ZNF519: variants seen among roughly 807,000 people sequenced by gnomAD.
ZNF519 encodes similar to Zinc finger protein 85 (Zinc finger protein HPF4) (HTF1).
A neutral mutation model predicts 7.4 loss-of-function variants in ZNF519; 7 were observed. That is an observed-to-expected ratio of 0.94 (90% CI 0.54 to 1.77). ZNF519 has a LOEUF of 1.77. Ranked by LOEUF, ZNF519 falls within the 40% of genes most tolerant of loss-of-function variation. ZNF519 has a pLI of 0.00. For synonymous variants in ZNF519, 179 were observed against 203.3 expected (o/e 0.88, Z 1.02); for missense variants, 586 against 623.1 (o/e 0.94, Z 0.63).
At chr18:14,106,437 T>A in intron 2 of ZNF519, 28 bp from the exon 3 acceptor site, 1 of 1,525,622 alleles carries the variant, frequency 6.6e-7, no homozygotes, top group African/African-American at 1.4e-5. Context: ...AACTAATTAT[T>A]CTACATACTG....
At chr18:14,127,743 C>T (rs530270013) in intron 1 of ZNF519, among the ~76,000 whole-genome samples, 1 of 152,252 alleles carries the variant, frequency 6.6e-6, no homozygotes, top group South Asian at 2.1e-4. Flanking sequence ...GACTACTTGA[C>T]TGCTGTCCTG....
intron 2 of ZNF519, chr18:14,123,176 C>T: frequency 1.2e-5 from 3 of 244,422 alleles, no homozygotes; most frequent in East Asian, 1.1e-4. Context: ...TTGCTCCAGA[C>T]AGGTGACCAG....
At chr18:14,079,040 C>A (rs1241580407) in intron 3 of ZNF519, among the ~76,000 whole-genome samples, 1 of 152,094 alleles carries the variant, frequency 6.6e-6, no homozygotes, top group Non-Finnish European at 1.5e-5. Flanking sequence ...GTGACAGGCA[C>A]CCTGGAATAA....
rs9958799 is a variant in ZNF519 at position 14,132,403 on chromosome 18, G to C, written c.-126C>G. ...GGAGCAGAGGACACAAGGCAATGAA[G>C]CCCTAACCCCGCGCTCTGGCTGAAG... is the stretch of plus-strand genomic sequence containing the variant. On this transcript the variant is annotated 5_prime_UTR_variant, in exon 1 of 3. Coordinates refer to ENST00000590202, the MANE Select transcript of ZNF519 (RefSeq NM_145287.4). 0.23 allele frequency: 279,562 copies of C among 1,204,872 alleles called. 33,831 individuals carry two copies. The highest frequency in any genetic ancestry group is 0.28 in the South Asian group (20,799 of 75,308). The allele number at this position is 1,204,872 out of a possible 1,614,324, so 74.6% of individuals were successfully genotyped here.
intron 2 of ZNF519, among the ~76,000 whole-genome samples, chr18:14,109,512 A>C (rs1228567868): frequency 6.6e-6 from 1 of 152,184 alleles, no homozygotes; most frequent in Non-Finnish European, 1.5e-5. Context: ...AATATCAAGC[A>C]TCTTTTCTGA....
intron 1 of ZNF519, among the ~76,000 whole-genome samples, chr18:14,131,233 G>A (rs990234225): frequency 6.6e-6 from 1 of 152,152 alleles, no homozygotes; most frequent in Non-Finnish European, 1.5e-5. Context: ...AGTGCCAGGG[G>A]ATTATTTTCT....
chr18:14,130,472 A>G (rs540679782), intron 1 of ZNF519, among the ~76,000 whole-genome samples: 23 of 152,216 alleles, frequency 1.5e-4, no homozygotes, highest in African/African-American at 5.3e-4. Flanking sequence ...CGAAGTTGAA[A>G]TAAGTGAGCA....
rs546801782 is a variant in ZNF519, at chr18:14,079,076, T to C, written c.*178-778A>G. ...AAAAAGGGGTTGCCTCCGACACAGT[T>C]GCCAATTCTTGAATTTCACAATTTT... On this transcript the variant is annotated intron_variant and NMD_transcript_variant, in intron 3 of 4. Transcript: ENST00000587419. Among the ~76,000 whole-genome samples, 148 of 152,332 alleles carry C rather than the reference T, an allele frequency of 9.7e-4. 2 individuals are homozygous for C. The highest frequency in any genetic ancestry group is 3.5e-3 in the African/African-American group (147 of 41,548).
At chr18:14,112,557 T>G (rs2046226658) in intron 2 of ZNF519, among the ~76,000 whole-genome samples, 1 of 152,128 alleles carries the variant, frequency 6.6e-6, no homozygotes, top group Non-Finnish European at 1.5e-5. Context: ...AAAATCCTAA[T>G]TCACTAAAAC....
chr18:14,098,504 T>C (rs1276057647), downstream of ZNF519, among the ~76,000 whole-genome samples: 1 of 152,018 alleles, frequency 6.6e-6, no homozygotes, highest in Non-Finnish European at 1.5e-5. Flanking sequence ...TTAACTGCAC[T>C]GATGGCTGCC....
intron 2 of ZNF519, among the ~76,000 whole-genome samples, chr18:14,092,457 T>C (rs1390968850): frequency 6.6e-6 from 1 of 152,160 alleles, no homozygotes; most frequent in Admixed American, 6.5e-5. Flanking sequence ...GCTGTAGTTA[T>C]AAATGTGACA....
intron 1 of ZNF519, among the ~76,000 whole-genome samples, chr18:14,126,215 T>C (rs986282600): frequency 1.3e-5 from 2 of 152,158 alleles, no homozygotes; most frequent in African/African-American, 4.8e-5. Flanking sequence ...CAGATCTCCA[T>C]GCTGCTAAGA....
intron 1 of ZNF519, among the ~76,000 whole-genome samples, chr18:14,130,613 T>G (rs2046324669): frequency 6.6e-6 from 1 of 151,850 alleles, no homozygotes; most frequent in Non-Finnish European, 1.5e-5. Context: ...ACTGAAGTGC[T>G]CAATGCCCAC....
At chr18:14,132,122 G>A (rs994188906) in intron 1 of ZNF519, among the ~76,000 whole-genome samples, 153 bp downstream of exon 1, 1 of 152,132 alleles carries the variant, frequency 6.6e-6, no homozygotes, top group Non-Finnish European at 1.5e-5. Flanking sequence ...CGCCGTGCAG[G>A]GACAGGACAG....
chr18:14,127,147 C>T (rs1364852390), intron 1 of ZNF519, among the ~76,000 whole-genome samples: 1 of 152,152 alleles, frequency 6.6e-6, no homozygotes, highest in African/African-American at 2.4e-5. Flanking sequence ...TTTTGTAGCT[C>T]TGACCTCCCA....
Position 14,128,690 on chromosome 18 carries a change from AACACAC to A in ZNF519, c.3+3579_3+3584del, listed in dbSNP as rs71366097. On this transcript the variant is annotated intron_variant, in intron 1 of 2. Coordinates refer to ENST00000590202, the MANE Select transcript of ZNF519 (RefSeq NM_145287.4). ...CCTAGATTAAGACAATTCTGAGTCA[AACACAC>A]ACACACACACACACACACACACACA... 4.5e-4 allele frequency among the ~76,000 whole-genome samples: 59 copies of A among 130,654 alleles called. 1 individual carries two copies. Among genetic ancestry groups the A allele is most frequent in the South Asian group, 1.3e-3 (5 of 3,942 alleles). The allele number at this position is 130,654 out of a possible 152,430, so 85.7% of individuals were successfully genotyped here.
intron 3 of ZNF519, among the ~76,000 whole-genome samples, chr18:14,082,013 G>A (rs935469533): frequency 1.3e-5 from 2 of 151,878 alleles, no homozygotes; most frequent in African/African-American, 4.8e-5. Context: ...ATAAAACACT[G>A]TAACTTTAGT....
intron 2 of ZNF519, among the ~76,000 whole-genome samples, chr18:14,093,874 C>G (rs2046123811): frequency 6.6e-6 from 1 of 152,184 alleles, no homozygotes; most frequent in Non-Finnish European, 1.5e-5. Context: ...GTTTACACAT[C>G]CAATTAGGTT....
At chr18:14,128,713 AC>A in intron 1 of ZNF519, among the ~76,000 whole-genome samples, 1 of 150,406 alleles carries the variant, frequency 6.6e-6, no homozygotes, top group Non-Finnish European at 1.5e-5. Context: ...ACACACACAC[AC>A]ACACACACAC....
Sources: gnomAD v4.1 joint callset for allele counts (sites outside exome capture counted in the v4.1 genomes callset) on GRCh38, gnomAD v4.1.1 for gene constraint, MANE v1.5 for transcripts, NCBI Gene and HGNC (gene_info 2026-07-23, HGNC 2026-07-21) for gene names.